The following TMEM255A variants were observed in gnomAD, a reference collection of about 807,000 sequenced individuals.
The protein encoded by TMEM255A is transmembrane protein 255A, also known as family with sequence similarity 70, member A.
In TMEM255A, 14 loss-of-function variants were observed where a neutral mutation model predicts 23.5. The observed-to-expected ratio is 0.60, with a 90% CI of 0.39 to 0.93. TMEM255A has a LOEUF of 0.93. TMEM255A is among the 40% of genes least tolerant of loss of function. TMEM255A has a pLI of 0.00. For synonymous variants in TMEM255A, 104 were observed against 100.3 expected (o/e 1.04, Z -0.22); for missense variants, 233 against 261.7 (o/e 0.89, Z 0.76).
chrX:120,256,983 A>G (rs1170377506), downstream of TMEM255A: 3 of 122,789 alleles, frequency 2.4e-5, no homozygotes, highest in East Asian at 5.5e-4. Flanking sequence ...TCATGTATAC[A>G]TCGTTCTTCT....
chrX:120,261,254 G>A (rs1319596592), intron 8 of TMEM255A, among the ~76,000 whole-genome samples: 3 of 111,658 alleles, frequency 2.7e-5, no homozygotes, highest in African/African-American at 6.5e-5. Flanking sequence ...ACCCCTTGCA[G>A]CCCACATCCA....
intron 3 of TMEM255A, among the ~76,000 whole-genome samples, chrX:120,293,492 G>T (rs986402835): frequency 1.8e-5 from 2 of 112,234 alleles, no homozygotes; most frequent in Non-Finnish European, 3.8e-5. Context: ...ATCTTTTTTT[G>T]TGTGTGCCAC....
chrX:120,262,187 G>C (rs1556016791), intron 8 of TMEM255A, among the ~76,000 whole-genome samples: 1 of 110,956 alleles, frequency 9.0e-6, no homozygotes, highest in African/African-American at 3.3e-5. Context: ...CTACTCAGGA[G>C]GCTGAGTCAC....
chrX:120,277,007 C>T lies in TMEM255A; in HGVS notation c.553G>A (p.Val185Ile). ...TGGATGATATCTTGGCAACTGCTGA[C>T]ATCGATGTATTCGTAGTACCCACCA... ...ITGGYYEYID[V>I]SSCQDIIHLY... The change falls in exon 7 of 9, where the codon GTC (valine) becomes ATC (isoleucine). Residue 185 changes from valine to isoleucine, a missense_variant. Coordinates refer to ENST00000371369, the MANE Select transcript of TMEM255A (RefSeq NM_001104544.3). The T allele has an allele frequency of 2.5e-6, 3 of 1,210,995 alleles. No homozygotes were observed. The highest frequency in any genetic ancestry group is 3.4e-6 in the Non-Finnish European group (3 of 895,034).
chrX:120,311,416 C>T lies in TMEM255A; in HGVS notation c.-107G>A. 1.5e-6 allele frequency: 1 copy of T among 654,548 alleles called. No individual in the cohort carries two copies. Among genetic ancestry groups the T allele is most frequent in the Non-Finnish European group, 2.4e-6 (1 of 409,138 alleles). The allele number at this position is 654,548 out of a possible 1,213,427, so 53.9% of individuals were successfully genotyped here. A position where few individuals can be genotyped will look rare whatever the true frequency, so the allele number is the denominator to read the frequency against. ...CCGCGGTTGCCTCTCTCGGTCCTTC[C>T]GAGAGCTGAGAGACACTGCCTCTGG... On this transcript the variant is annotated 5_prime_UTR_variant, in exon 1 of 9. Transcript: ENST00000371369.
rs1345547865 is a variant in TMEM255A at position 120,273,110 on chromosome X, C to T, written c.675+3775G>A. The T allele has an allele frequency of 5.2e-5, 8 of 153,521 alleles. No homozygotes were observed. The Admixed American group carries it at 6.7e-4, about 13-fold the overall frequency. The allele number at this position is 153,521 out of a possible 1,213,427, so 12.7% of individuals were successfully genotyped here. A position where few individuals can be genotyped will look rare whatever the true frequency, so the allele number is the denominator to read the frequency against. ...TTACCTGGGTTATCACATCAGCCCT[C>T]ACAAGTCCACAGGTAGGTGCTACTA... On this transcript the variant is annotated intron_variant, in intron 7 of 8. Transcript: ENST00000371369.
chrX:120,264,829 T>C (rs1556017247), intron 8 of TMEM255A, among the ~76,000 whole-genome samples: 1 of 109,864 alleles, frequency 9.1e-6, no homozygotes. Context: ...GCTGACTCCT[T>C]TTTATTTATC....
In TMEM255A at chrX:120,304,429, C is replaced by A. The variant is rs781913217; in HGVS notation, c.121G>T (p.Val41Leu). Reference protein sequence around the residue: ...YVTVTLLIVSVLILTVGLAAT... With the variant: ...YVTVTLLIVSLLILTVGLAAT... ...GCAAGGCCCACTGTGAGAATTAACA[C>A]GGACACAATAAGCAAAGTCACGGTG... is the stretch of plus-strand genomic sequence containing the variant. Residue 41 changes from valine (V) to leucine (L), a missense_variant, in exon 2 of 9, where the codon GTG becomes TTG. Transcript: ENST00000371369. The A allele has an allele frequency of 2.5e-6, 3 of 1,210,120 alleles. No individual in the cohort carries two copies. In the East Asian group the frequency reaches 8.9e-5, roughly 36 times the overall value.
chrX:120,268,604 AC>A (rs1309220857), intron 7 of TMEM255A, among the ~76,000 whole-genome samples: 1 of 111,628 alleles, frequency 9.0e-6, no homozygotes, highest in Non-Finnish European at 1.9e-5. Flanking sequence ...TTAAAAAAAG[AC>A]CCCCAAAATT....
chrX:120,252,959 G>A, the TMEM255A span, among the ~76,000 whole-genome samples: 3 of 111,837 alleles, frequency 2.7e-5, no homozygotes, highest in Non-Finnish European at 3.8e-5. Flanking sequence ...AGTATTGCAC[G>A]CGCTGAGCTT....
chrX:120,277,331 G>C (rs1556020048), intron 6 of TMEM255A, among the ~76,000 whole-genome samples: 1 of 112,907 alleles, frequency 8.9e-6, no homozygotes, highest in Non-Finnish European at 1.9e-5. Context: ...TATGTACCAG[G>C]CACAGTGCTA....
At chrX:120,278,624 C>T (rs1164088483) in intron 6 of TMEM255A, among the ~76,000 whole-genome samples, 1 of 111,823 alleles carries the variant, frequency 8.9e-6, no homozygotes, top group Non-Finnish European at 1.9e-5. Context: ...GAGTTCATCA[C>T]GAATCTAAAA....
chrX:120,288,390 G>A lies in TMEM255A; in HGVS notation c.355-1168C>T, dbSNP rs183823472. On this transcript the variant is annotated intron_variant, in intron 4 of 8. Transcript: ENST00000371369. ...TGGAGTCTAGCTGGAAAGGAATGAG[G>A]GTGTTCATGCTCACACCTGGAAGGG... is the stretch of plus-strand genomic sequence containing the variant. Among the ~76,000 whole-genome samples, 6 of 112,217 alleles carry A rather than the reference G, an allele frequency of 5.3e-5. No individual in the cohort carries two copies. The East Asian group carries it at 1.1e-3, about 21-fold the overall frequency.
chrX:120,277,108 C>G, intron 6 of TMEM255A, 61 bp from the exon 7 acceptor site: 14 of 1,045,059 alleles, frequency 1.3e-5, no homozygotes, highest in South Asian at 2.2e-5. Context: ...TCCCCAGCCC[C>G]CTCCCCAACT....
At chrX:120,286,134 G>T in intron 5 of TMEM255A, 1 of 251,875 alleles carries the variant, frequency 4.0e-6, no homozygotes, top group Non-Finnish European at 7.1e-6. Flanking sequence ...AAAAGAAAAA[G>T]GAGTCAAGTG....
chrX:120,293,766 A>G (rs1365677490), intron 3 of TMEM255A, among the ~76,000 whole-genome samples: 1 of 112,314 alleles, frequency 8.9e-6, no homozygotes, highest in African/African-American at 3.2e-5. Flanking sequence ...CTTTGGCATA[A>G]GGAATCTAGC....
intron 6 of TMEM255A, among the ~76,000 whole-genome samples, chrX:120,279,971 C>G (rs1357647008): frequency 1.0e-4 from 9 of 88,828 alleles, no homozygotes; most frequent in Non-Finnish European, 1.8e-4. Context: ...CTTTTTTTTT[C>G]CTTCCTTCTT....
chrX:120,257,385 G>T (rs1187166307), downstream of TMEM255A: 2 of 123,007 alleles, frequency 1.6e-5, no homozygotes, highest in Non-Finnish European at 3.8e-5. Flanking sequence ...GAATGATACG[G>T]ATGCCGGCAG....
At position 120,260,248 on chromosome X, in the gene TMEM255A, T is replaced by G. The variant is rs2057668156; in HGVS notation, c.*622A>C. ...ATGCAAGAATATTGCACTTTTCCCT[T>G]TAGGAGGTACCAATAACAAAAGCTG... On this transcript the variant is annotated 3_prime_UTR_variant, in exon 9 of 9. Transcript: ENST00000371369. The G allele has an allele frequency of 1.1e-5, 8 of 746,347 alleles. No individual in the cohort carries two copies. The South Asian group carries it at 5.5e-4, about 51-fold the overall frequency. The allele number at this position is 746,347 out of a possible 1,213,427, so 61.5% of individuals were successfully genotyped here.
Sources: gnomAD v4.1 joint callset for allele counts (sites outside exome capture counted in the v4.1 genomes callset) on GRCh38, gnomAD v4.1.1 for gene constraint, MANE v1.5 for transcripts, NCBI Gene and HGNC (gene_info 2026-07-23, HGNC 2026-07-21) for gene names.